Variants in MACROD1 observed in about 807,000 individuals in gnomAD.
The protein encoded by MACROD1 is mono-ADP ribosylhydrolase 1.
Under a neutral mutation model 41.4 loss-of-function variants are expected in MACROD1, and 31 were observed. That is an observed-to-expected ratio of 0.75 (90% CI 0.56 to 1.01). The LOEUF is 1.01. Ranked by LOEUF, MACROD1 falls within the 50% of genes least tolerant of loss-of-function variation. The probability of loss-of-function intolerance (pLI) is 0.00; values close to 1 mark genes in which losing one functional copy is unlikely to be tolerated. For missense variants in MACROD1, 473 were observed against 460.0 expected (o/e 1.03, Z -0.26); for synonymous variants, 252 against 203.4 (o/e 1.24, Z -2.03).
At chr11:64,066,747 C>A (rs1944013504) in intron 3 of MACROD1, among the ~76,000 whole-genome samples, 1 of 152,198 alleles carries the variant, frequency 6.6e-6, no homozygotes, top group East Asian at 1.9e-4. Context: ...TTCCTTCCTA[C>A]CTTCCAGGCC....
chr11:64,115,995 A>T (rs1944971479), intron 3 of MACROD1, among the ~76,000 whole-genome samples: 1 of 152,186 alleles, frequency 6.6e-6, no homozygotes, highest in East Asian at 1.9e-4. Context: ...TCCTGATAAG[A>T]TTTAACATTA....
intron 3 of MACROD1, among the ~76,000 whole-genome samples, chr11:64,049,000 A>ACTGGGGTGCCGGCTGCCTCTTGCC (rs1555013504): frequency 2.6e-5 from 4 of 151,968 alleles, no homozygotes; most frequent in African/African-American, 9.7e-5. Context: ...AGAGAGACAG[A>ACTGGGGTGCCGGCTGCCTCTTGCC]CTGGGGTGCC....
intron 3 of MACROD1, among the ~76,000 whole-genome samples, chr11:64,033,822 CAA>C (rs1316762073): frequency 3.3e-5 from 5 of 152,080 alleles, no homozygotes; most frequent in South Asian, 4.2e-4. Context: ...GCCTGGGCGA[CAA>C]GAGTGAAACG....
At chr11:64,148,733 C>G (rs1259532031) in intron 3 of MACROD1, 22 of 985,576 alleles carry the variant, frequency 2.2e-5, no homozygotes, top group Non-Finnish European at 2.3e-5. Context: ...TTATGCAGCC[C>G]CGAAAAGCCC....
chr11:64,152,898 C>G (rs943628010), intron 1 of MACROD1, among the ~76,000 whole-genome samples: 5 of 152,238 alleles, frequency 3.3e-5, no homozygotes, highest in African/African-American at 7.2e-5. Context: ...CCAGGAGCTG[C>G]AGGACCAAGT....
chr11:64,087,082 A>G (rs1944408598), intron 3 of MACROD1: 1 of 152,234 alleles, frequency 6.6e-6, no homozygotes, highest in Non-Finnish European at 1.5e-5. Flanking sequence ...ACAGCAAAGC[A>G]CAATTAACAT....
intron 2 of MACROD1, among the ~76,000 whole-genome samples, chr11:64,151,867 G>A (rs1264804723): frequency 2.0e-5 from 3 of 152,188 alleles, no homozygotes; most frequent in South Asian, 2.1e-4. Context: ...AGTTGCTGAC[G>A]CCTGTAATCC....
chr11:64,035,663 G>A (rs973978798), intron 3 of MACROD1, among the ~76,000 whole-genome samples: 2 of 58,580 alleles, frequency 3.4e-5, no homozygotes, highest in Non-Finnish European at 7.0e-5. Flanking sequence ...GCGCGGCGGC[G>A]CAGCCTCCCG....
chr11:64,072,436 A>T (rs1944127340), intron 3 of MACROD1, among the ~76,000 whole-genome samples: 1 of 147,872 alleles, frequency 6.8e-6, no homozygotes, highest in African/African-American at 2.5e-5. Flanking sequence ...AAAAAAAAAA[A>T]TAATAATTAC....
At position 64,067,290 on chromosome 11, in the gene MACROD1, C is replaced by T. The variant is rs1168705278; in HGVS notation, c.518-52009G>A. On this transcript the variant is annotated intron_variant, in intron 3 of 10. Coordinates refer to ENST00000255681, the MANE Select transcript of MACROD1 (RefSeq NM_014067.4). The surrounding 1 kb of genome is among the most constrained non-coding windows in gnomAD (Gnocchi z 4.6). ...AGGGAGGGAAGGAGCATCATTAACACGACATGGCCTCCTCCCCACTGCTCA... is the reference window on the plus strand; with the variant it reads ...AGGGAGGGAAGGAGCATCATTAACATGACATGGCCTCCTCCCCACTGCTCA... 2.0e-5 allele frequency among the ~76,000 whole-genome samples: 3 copies of T among 152,158 alleles called. No homozygotes were observed. The highest frequency in any genetic ancestry group is 1.9e-4 in the East Asian group (1 of 5,182).
At chr11:64,145,396 C>T (rs1170636661) in intron 3 of MACROD1, among the ~76,000 whole-genome samples, 3 of 152,284 alleles carry the variant, frequency 2.0e-5, no homozygotes, top group African/African-American at 7.2e-5. Context: ...TTATACTCTG[C>T]TTAGTAGCTC....
chr11:64,075,203 A>G (rs1944179551), intron 3 of MACROD1, among the ~76,000 whole-genome samples: 1 of 152,230 alleles, frequency 6.6e-6, no homozygotes, highest in Non-Finnish European at 1.5e-5. Flanking sequence ...AGCCTGGACC[A>G]TTCTGATCCA....
At chr11:64,070,564 G>A (rs1425482593) in intron 3 of MACROD1, among the ~76,000 whole-genome samples, 1 of 152,154 alleles carries the variant, frequency 6.6e-6, no homozygotes, top group Non-Finnish European at 1.5e-5. Flanking sequence ...AAGTCAGGTG[G>A]GATCCAGCCT....
At position 64,137,781 on chromosome 11, in the gene MACROD1, C is replaced by T. The variant is rs201870314; in HGVS notation, c.517+13458G>A. ...CAAGAGGCTGGTGGCCTGGAAAGCA[C>T]GTGCTGAGGGCATCCAGGCCGCAGA... On this transcript the variant is annotated intron_variant, in intron 3 of 10. Transcript: ENST00000255681. Among the ~76,000 whole-genome samples the T allele has an allele frequency of 1.8e-3, 280 of 152,290 alleles. 3 individuals are homozygous for T. In the South Asian group the frequency reaches 0.025, roughly 14 times the overall value.
intron 1 of MACROD1, 81 bp downstream of exon 1, chr11:64,165,615 GC>G (rs1174562732): frequency 3.2e-6 from 4 of 1,241,572 alleles, no homozygotes; most frequent in Non-Finnish European, 4.2e-6. Flanking sequence ...GGAAGGGGCT[GC>G]TCGCTCGTTG....
chr11:63,999,063 C>T (rs1333064082), intron 8 of MACROD1, 27 bp from the exon 9 acceptor site: 1 of 1,578,250 alleles, frequency 6.3e-7, no homozygotes, highest in African/African-American at 1.3e-5. Context: ...TCAGCCTGGG[C>T]CGAGCTGCCA....
intron 3 of MACROD1, among the ~76,000 whole-genome samples, chr11:64,135,559 A>G (rs1422170803): frequency 6.6e-6 from 1 of 152,234 alleles, no homozygotes; most frequent in Non-Finnish European, 1.5e-5. Flanking sequence ...TCAGTGGACA[A>G]ACACGCAGGC....
chr11:64,127,296 T>A (rs1945198484), intron 3 of MACROD1, among the ~76,000 whole-genome samples: 1 of 152,254 alleles, frequency 6.6e-6, no homozygotes, highest in Non-Finnish European at 1.5e-5. Flanking sequence ...TTTACGGTCA[T>A]CTCTTGCTGC....
At chr11:64,154,513 G>A (rs1945637092) in intron 1 of MACROD1, among the ~76,000 whole-genome samples, 1 of 151,988 alleles carries the variant, frequency 6.6e-6, no homozygotes, top group African/African-American at 2.4e-5. Context: ...CGGCAGCCAT[G>A]GATCCTGGGA....
Sources: gnomAD v4.1 joint callset for allele counts (sites outside exome capture counted in the v4.1 genomes callset) on GRCh38, gnomAD v4.1.1 for gene constraint, Gnocchi (gnomAD v3.1) non-coding constraint, MANE v1.5 for transcripts, NCBI Gene and HGNC (gene_info 2026-07-23, HGNC 2026-07-21) for gene names.